FRMPD4: variants seen among roughly 807,000 people sequenced by gnomAD.
The protein encoded by FRMPD4 is FERM and PDZ domain-containing protein 4.
In FRMPD4, 22 loss-of-function variants were observed where a neutral mutation model predicts 94.1. The ratio of observed to expected loss-of-function variants is 0.23; its 90% confidence interval spans 0.17 to 0.33. The LOEUF is 0.33. Ranked by LOEUF, FRMPD4 falls within the 10% of genes least tolerant of loss-of-function variation. FRMPD4 has a pLI of 1.00. For missense variants in FRMPD4, 1,111 were observed against 1,339.9 expected (o/e 0.83, Z 2.67); for synonymous variants, 631 against 548.6 (o/e 1.15, Z -2.10).
At chrX:12,225,666 C>G (rs1172409934) in intron 1 of FRMPD4, among the ~76,000 whole-genome samples, 2 of 111,850 alleles carry the variant, frequency 1.8e-5, no homozygotes, top group African/African-American at 6.5e-5. Flanking sequence ...GGTTACAGCT[C>G]TACTTCTTTT....
At chrX:11,978,677 C>T (rs1373968402) in intron 3 of FRMPD4, among the ~76,000 whole-genome samples, 1 of 111,785 alleles carries the variant, frequency 8.9e-6, no homozygotes, top group Non-Finnish European at 1.9e-5. Flanking sequence ...GGAATCTTAA[C>T]GAGTAGAGTG....
chrX:12,252,284 A>C (rs1411818293), intron 1 of FRMPD4, among the ~76,000 whole-genome samples: 1 of 111,643 alleles, frequency 9.0e-6, no homozygotes, highest in Admixed American at 9.5e-5. Flanking sequence ...AGCATCTAGC[A>C]ATCTGACATT....
At chrX:12,108,031 T>G (rs1472031833) in intron 3 of FRMPD4, among the ~76,000 whole-genome samples, 2 of 111,726 alleles carry the variant, frequency 1.8e-5, no homozygotes, top group Non-Finnish European at 3.8e-5. Flanking sequence ...TTCCCCAACC[T>G]AGCAAGGCAG....
intron 3 of FRMPD4, among the ~76,000 whole-genome samples, chrX:11,948,727 A>T (rs1169928397): frequency 8.9e-6 from 1 of 111,954 alleles, no homozygotes; most frequent in African/African-American, 3.3e-5. Context: ...CCTGTGGATA[A>T]AAGGAATCTT....
chrX:12,192,965 G>T, intron 1 of FRMPD4, among the ~76,000 whole-genome samples: 1 of 111,909 alleles, frequency 8.9e-6, no homozygotes, highest in Admixed American at 9.5e-5. Flanking sequence ...TGTTGCTGCT[G>T]TTTTAATGGA....
At chrX:12,686,635 GGTAGA>G (rs1179228723) in intron 7 of FRMPD4, among the ~76,000 whole-genome samples, 19 of 111,598 alleles carry the variant, frequency 1.7e-4, no homozygotes, top group Admixed American at 4.7e-4. Flanking sequence ...AAAAACAAGG[GGTAGA>G]GTAATGTAAA....
At chrX:11,843,295 T>G (rs943882524) in intron 1 of FRMPD4, among the ~76,000 whole-genome samples, 1 of 111,433 alleles carries the variant, frequency 9.0e-6, no homozygotes, top group African/African-American at 3.3e-5. Flanking sequence ...TTCTCTGTAG[T>G]CTGGAAGAGT....
intron 5 of FRMPD4, among the ~76,000 whole-genome samples, chrX:12,679,947 A>G (rs1400131863): frequency 8.9e-6 from 1 of 112,025 alleles, no homozygotes; most frequent in Non-Finnish European, 1.9e-5. Flanking sequence ...TTAGGTCTGC[A>G]TTTTGGAGAC....
chrX:12,039,819 A>G (rs1449932978), intron 3 of FRMPD4, among the ~76,000 whole-genome samples: 1 of 109,275 alleles, frequency 9.2e-6, no homozygotes, highest in Non-Finnish European at 1.9e-5. Context: ...AAAATACAAA[A>G]TTAGTTGGGC....
rs1302145955 is a variant in FRMPD4, at chrX:12,459,216, T to A, written c.42-39464T>A. Among the ~76,000 whole-genome samples, 37 of 110,975 alleles carry A rather than the reference T, an allele frequency of 3.3e-4. 2 individuals carry two copies. The highest frequency in any genetic ancestry group is 3.9e-4 in the South Asian group (1 of 2,590). ...TCCTGGGTTTCTCCCAGGATCCTTTTTTTTAAGTAAGTTGAAATACATATT... is the reference window on the plus strand; with the variant it reads ...TCCTGGGTTTCTCCCAGGATCCTTTATTTTAAGTAAGTTGAAATACATATT... On this transcript the variant is annotated intron_variant, in intron 1 of 16. Transcript: ENST00000675598.
chrX:11,837,553 A>C (rs2147276695), intron 1 of FRMPD4, among the ~76,000 whole-genome samples: 1 of 111,784 alleles, frequency 8.9e-6, no homozygotes, highest in African/African-American at 3.2e-5. Flanking sequence ...CATTTTTATC[A>C]AGAATAATAG....
At chrX:12,299,325 A>AGAAGAAGAAGAC (rs1207042220) in intron 1 of FRMPD4, among the ~76,000 whole-genome samples, 1 of 110,587 alleles carries the variant, frequency 9.0e-6, no homozygotes, top group South Asian at 3.8e-4. Flanking sequence ...AAGAGGAAGA[A>AGAAGAAGAAGAC]GAAGAAGAAG....
At chrX:12,506,936 A>G (rs2057992058) in intron 2 of FRMPD4, among the ~76,000 whole-genome samples, 1 of 112,142 alleles carries the variant, frequency 8.9e-6, no homozygotes, top group Non-Finnish European at 1.9e-5. Context: ...TCCTTCTGTC[A>G]TCATTTTCAC....
chrX:12,665,399 GC>G (rs1260191257), intron 4 of FRMPD4, among the ~76,000 whole-genome samples: 4 of 109,279 alleles, frequency 3.7e-5, no homozygotes, highest in African/African-American at 1.3e-4. Flanking sequence ...AGCCAAGATT[GC>G]ACCACTGCAC....
At chrX:12,168,846 C>T (rs1429925939) in intron 1 of FRMPD4, among the ~76,000 whole-genome samples, 1 of 111,026 alleles carries the variant, frequency 9.0e-6, no homozygotes, top group African/African-American at 3.3e-5. Flanking sequence ...AGGATGGTCT[C>T]CATTTCCTGA....
chrX:12,317,744 CA>C (rs2055148073), intron 1 of FRMPD4, among the ~76,000 whole-genome samples: 1 of 111,291 alleles, frequency 9.0e-6, no homozygotes, highest in Admixed American at 9.5e-5. Context: ...AAATGCAAAT[CA>C]AAAATACGAT....
intron 1 of FRMPD4, among the ~76,000 whole-genome samples, chrX:12,170,162 T>C (rs1408890169): frequency 9.6e-6 from 1 of 104,483 alleles, no homozygotes; most frequent in African/African-American, 3.6e-5. Context: ...GACACTCTTA[T>C]CTTTCCAGAA....
intron 1 of FRMPD4, among the ~76,000 whole-genome samples, chrX:12,368,508 A>G (rs139827260): frequency 6.3e-5 from 7 of 110,289 alleles, no homozygotes; most frequent in African/African-American, 2.3e-4. Flanking sequence ...CATGTTTTAC[A>G]TCTTCTGCTC....
intron 1 of FRMPD4, among the ~76,000 whole-genome samples, chrX:12,237,494 A>G (rs1318476108): frequency 1.8e-5 from 2 of 112,303 alleles, no homozygotes; most frequent in Admixed American, 9.4e-5. Flanking sequence ...ACTCATTTCA[A>G]TTCTTGGTGC....
Sources: allele counts gnomAD v4.1 joint callset (sites outside exome capture counted in the v4.1 genomes callset), GRCh38; gene constraint gnomAD v4.1.1; transcripts MANE v1.5; gene names NCBI Gene and HGNC (gene_info 2026-07-23, HGNC 2026-07-21).